The following MFSD11 variants were observed in gnomAD, a reference collection of about 807,000 sequenced individuals.
The protein encoded by MFSD11 is major facilitator superfamily domain containing 11, also known as UNC93-like protein MFSD11.
A neutral mutation model predicts 53.5 loss-of-function variants in MFSD11; 36 were observed. That is an observed-to-expected ratio of 0.67 (90% CI 0.52 to 0.89). MFSD11 has a LOEUF of 0.89. Among genes scored for constraint, MFSD11 ranks in the 40% least tolerant of loss-of-function variants. The pLI, the probability that MFSD11 is intolerant of heterozygous loss-of-function variation, is 0.00. For missense variants in MFSD11, 530 were observed against 543.9 expected, an observed-to-expected ratio of 0.97 and a Z score of 0.25; for synonymous variants, 186 against 184.9, an observed-to-expected ratio of 1.01 and a Z score of -0.05.
At chr17:76,737,907 T>G (rs2077642579), upstream of MFSD11, 2 of 179,872 alleles carry the variant, frequency 1.1e-5, no homozygotes, top group African/African-American at 4.7e-5. Flanking sequence ...GCGGAGCGCT[T>G]GCGCGTGCCA....
chr17:76,740,238 G>A (rs937089241), intron 2 of MFSD11, among the ~76,000 whole-genome samples: 21 of 150,386 alleles, frequency 1.4e-4, no homozygotes, highest in African/African-American at 4.9e-4. Context: ...ATTCATAAAA[G>A]CCAAAGAATA....
At chr17:76,743,839 T>C (rs572787324) in intron 6 of MFSD11, among the ~76,000 whole-genome samples, 1 of 152,260 alleles carries the variant, frequency 6.6e-6, no homozygotes, top group South Asian at 2.1e-4. Context: ...GGTCTCAAAC[T>C]CCTGACCTCA....
intron 8 of MFSD11, among the ~76,000 whole-genome samples, chr17:76,755,794 A>ATATATATATATATATATG (rs2079533262): frequency 5.9e-5 from 1 of 16,820 alleles, no homozygotes; most frequent in Non-Finnish European, 1.4e-4. Flanking sequence ...GTGTATACAT[A>ATATATATATATATATATG]TATATATATA....
At chr17:76,745,812 CTTATTTATTTAT>C (rs111982936) in intron 7 of MFSD11, among the ~76,000 whole-genome samples, 4 of 148,896 alleles carry the variant, frequency 2.7e-5, no homozygotes, top group African/African-American at 7.4e-5. Flanking sequence ...TTATTATTTA[CTTATTTATTTAT>C]TTATTTATTT....
upstream of MFSD11, chr17:76,736,840 G>C (rs1170502685): frequency 6.2e-7 from 1 of 1,604,662 alleles, no homozygotes; most frequent in Non-Finnish European, 8.5e-7. Context: ...CGTACCTGCG[G>C]GGTGGCGGTC....
At chr17:76,794,840 C>A in the MFSD11 span, among the ~76,000 whole-genome samples, 2 of 150,822 alleles carry the variant, frequency 1.3e-5, no homozygotes, top group African/African-American at 4.9e-5. Context: ...TTACAGGTGC[C>A]CGTCACCATG....
rs943666105 is a variant in MFSD11, at chr17:76,779,254, C to CAAAAAAAAAAAAA, written c.*910_*922dup. 4.1e-5 allele frequency: 2 copies of CAAAAAAAAAAAAA among 48,850 alleles called. No individual in the cohort carries two copies. Among genetic ancestry groups the CAAAAAAAAAAAAA allele is most frequent in the African/African-American group, 7.1e-5 (1 of 14,058 alleles). 3.0% of individuals were successfully genotyped at this position (48,850 alleles called of 1,614,324 possible). ...GGATGACAAGAGTGAAACTCCATCT[C>CAAAAAAAAAAAAA]AAAAAAAAAAAAAAAAAAAAGAAAA... On this transcript the variant is annotated 3_prime_UTR_variant, in exon 13 of 13. Coordinates refer to ENST00000685175, the MANE Select transcript of MFSD11 (RefSeq NM_001242532.5).
chr17:76,794,641 C>CAA, the MFSD11 span, among the ~76,000 whole-genome samples: 3,632 of 65,298 alleles, frequency 0.056, 325 homozygotes, highest in Non-Finnish European at 0.07. Context: ...AACTCTGTCT[C>CAA]AAAAAAAAAA....
At chr17:76,738,900 C>CA in intron 1 of MFSD11, 38 bp from the exon 2 acceptor site, 1 of 1,582,150 alleles carries the variant, frequency 6.3e-7, no homozygotes, top group Non-Finnish European at 8.7e-7. Context: ...AGGGAGACTG[C>CA]AAAACATTTT....
intron 7 of MFSD11, among the ~76,000 whole-genome samples, chr17:76,748,498 A>G (rs990785710): frequency 6.6e-6 from 1 of 151,798 alleles, no homozygotes; most frequent in African/African-American, 2.4e-5. Flanking sequence ...CAGCCTGGGC[A>G]ACATAGCAAG....
intron 2 of MFSD11, 69 bp downstream of exon 2, chr17:76,739,062 A>T: frequency 3.4e-6 from 4 of 1,190,184 alleles, no homozygotes; most frequent in Non-Finnish European, 5.0e-6. Flanking sequence ...CAGAATCACC[A>T]GCAATAGAAT....
the MFSD11 span, among the ~76,000 whole-genome samples, chr17:76,802,170 C>CTAAA: frequency 2.6e-5 from 4 of 152,042 alleles, no homozygotes; most frequent in African/African-American, 9.7e-5. Flanking sequence ...TCTCGGAAGG[C>CTAAA]TAAAGCAGGA....
In MFSD11 at chr17:76,741,036, T is replaced by G; in HGVS notation, c.232T>G (p.Ser78Ala). The G allele has an allele frequency of 6.2e-7, 1 of 1,611,480 alleles. No homozygotes were observed. Among genetic ancestry groups the G allele is most frequent in the Non-Finnish European group, 8.5e-7 (1 of 1,177,706 alleles). Reference protein sequence around the residue: ...SVVAIVGPQLSMFASGLFYSM... With the variant: ...SVVAIVGPQLAMFASGLFYSM... Reference sequence around the variant, plus strand: ...GGTTGCCATTGTAGGACCTCAACTCTCTATGTTTGCCAGTGGTTTATTTTA... The same window carrying G: ...GGTTGCCATTGTAGGACCTCAACTCGCTATGTTTGCCAGTGGTTTATTTTA... Residue 78 changes from serine (S) to alanine (A), a missense_variant, in exon 3 of 13, where the codon TCT (serine) becomes GCT (alanine). Transcript: ENST00000685175.
chr17:76,741,018 A>G lies in MFSD11; in HGVS notation c.214A>G (p.Ile72Val). The change falls in exon 3 of 13, where the codon ATT (isoleucine) becomes GTT (valine). Residue 72 changes from isoleucine (I) to valine (V), a missense_variant. Transcript: ENST00000685175. ...TTTGATTACACCGTCAGTGGTTGCC[A>G]TTGTAGGACCTCAACTCTCTATGTT... is the stretch of plus-strand genomic sequence containing the variant. ...SNLITPSVVA[I>V]VGPQLSMFAS... 1.2e-6 allele frequency: 2 copies of G among 1,611,612 alleles called. No individual in the cohort carries two copies. Among genetic ancestry groups the G allele is most frequent in the Non-Finnish European group, 1.7e-6 (2 of 1,179,292 alleles).
At chr17:76,739,504 C>G (rs1598460100) in intron 2 of MFSD11, among the ~76,000 whole-genome samples, 1 of 152,176 alleles carries the variant, frequency 6.6e-6, no homozygotes, top group East Asian at 1.9e-4. Context: ...GTCACTAGAA[C>G]CTTGTGATTG....
downstream of MFSD11, among the ~76,000 whole-genome samples, chr17:76,784,355 G>T (rs575401129): frequency 6.6e-6 from 1 of 151,928 alleles, no homozygotes; most frequent in Admixed American, 6.6e-5. Flanking sequence ...CCAACACAGT[G>T]AAACCCCATC....
chr17:76,768,305 CAAAA>C (rs78066438), intron 9 of MFSD11, among the ~76,000 whole-genome samples: 1 of 46,762 alleles, frequency 2.1e-5, no homozygotes, highest in Non-Finnish European at 4.5e-5. Context: ...ACCTCCGTCT[CAAAA>C]AAAAAAAAAA....
In MFSD11 at chr17:76,744,439, C is replaced by T. The variant is rs1461416538; in HGVS notation, c.614C>T (p.Ser205Phe). The T allele has an allele frequency of 6.2e-7, 1 of 1,613,342 alleles. No homozygotes were observed. The highest frequency in any genetic ancestry group is 2.2e-5 in the East Asian group (1 of 44,878). ...SENVLGEDES[S>F]DDQDMEVNES... is the part of the protein sequence containing the mutation. The stretch of plus-strand genomic sequence containing the variant: ...AATGTCCTAGGAGAAGATGAGTCTT[C>T]TGATGACCAGGACATGGAAGTCAAC... Residue 205 changes from serine (S) to phenylalanine (F), a missense_variant, in exon 7 of 13, where the codon TCT becomes TTT. By Grantham distance (155) the Ser-to-Phe change is radical. Coordinates refer to ENST00000685175, the MANE Select transcript of MFSD11 (RefSeq NM_001242532.5).
chr17:76,774,954 G>A, intron 10 of MFSD11, 43 bp from the exon 11 acceptor site: 1 of 1,591,498 alleles, frequency 6.3e-7, no homozygotes, highest in South Asian at 1.1e-5. Flanking sequence ...GGTATGTGAT[G>A]TTTCGGCAAC....
Sources: gnomAD v4.1 joint callset for allele counts (sites outside exome capture counted in the v4.1 genomes callset) on GRCh38, gnomAD v4.1.1 for gene constraint, MANE v1.5 for transcripts, NCBI Gene and HGNC (gene_info 2026-07-23, HGNC 2026-07-21) for gene names.